Variants in EPG5 observed in about 807,000 individuals in gnomAD.
The protein encoded by EPG5 is ectopic P granules protein 5 homolog.
Under a neutral mutation model 302.7 loss-of-function variants are expected in EPG5, and 159 were observed. The ratio of observed to expected loss-of-function variants is 0.53; its 90% CI spans 0.46 to 0.60. EPG5 has a LOEUF of 0.60. EPG5 is among the 20% of genes least tolerant of loss of function. The probability of loss-of-function intolerance (pLI) is 0.00; values close to 1 mark genes in which losing one functional copy is unlikely to be tolerated. For missense variants in EPG5, 2,896 were observed against 3,092.4 expected (o/e 0.94, Z 1.51); for synonymous variants, 1,158 against 1,136.8 (o/e 1.02, Z -0.37).
chr18:45,913,880 C>T lies in EPG5; in HGVS notation c.3694-52G>A, dbSNP rs190915810. 1.3e-3 allele frequency: 2,068 copies of T among 1,592,412 alleles called. 43 individuals carry two copies. In the South Asian group the frequency reaches 0.015, roughly 12 times the overall value. ...GGGAAGGAGGAGCTCGCCCCACTGA[C>T]GAAATACATCCTGATATTCCACAAT... On this transcript the variant is annotated intron_variant, in intron 20 of 43. Coordinates refer to ENST00000282041, the MANE Select transcript of EPG5 (RefSeq NM_020964.3).
chr18:45,858,038 C>T lies in EPG5; in HGVS notation c.7257G>A (p.Leu2419=). The change falls in exon 42 of 44, where the codon TTG becomes TTA. Residue 2419 remains leucine (L), a synonymous_variant. Transcript: ENST00000282041. ...AGAGCTGAAGGACTTGGTGCCACCA[C>T]AAAAACAGCTTTGCCTCTTCCTCCA... is the stretch of plus-strand genomic sequence containing the variant. The part of the protein sequence containing the change: ...SSVEEEAKLF[L]WWHQVLQLSL... The T allele has an allele frequency of 1.2e-6, 2 of 1,613,726 alleles. No individual in the cohort carries two copies. Among genetic ancestry groups the T allele is most frequent in the Middle Eastern group, 1.7e-4 (1 of 5,856 alleles).
Position 45,967,181 on chromosome 18 carries a change from G to A in EPG5, c.59C>T (p.Thr20Ile). 6.2e-7 allele frequency: 1 copy of A among 1,601,940 alleles called. No individual in the cohort carries two copies. ...RAKAKASRTKTKEKKKYETPQ... is the reference protein window; with the variant it reads ...RAKAKASRTKIKEKKKYETPQ... ...GAGGGTGGGGGAGATCCTCACCTTT[G>A]TTTTAGTCCGGCTGGCCTTGGCCTT... Residue 20 changes from threonine (T) to isoleucine (I), a missense_variant, in exon 1 of 44, where the codon ACA becomes ATA. Thr to Ile is a moderately conservative substitution (Grantham distance 89). Transcript: ENST00000282041.
Position 45,916,017 on chromosome 18 carries a change from G to T in EPG5, c.3574C>A (p.Gln1192Lys). The change falls in exon 19 of 44, where the codon CAA (glutamine) becomes AAA (lysine). Residue 1192 changes from glutamine to lysine, a missense_variant. Transcript: ENST00000282041. Reference protein sequence around the residue: ...EDCIQKLLYQQHKNALGYHCD... With the variant: ...EDCIQKLLYQKHKNALGYHCD... ...TCTAACAGGTTAATTACCTTATGTT[G>T]TTGGTAGAGTAATTTCTGTATGCAG... is the stretch of plus-strand genomic sequence containing the variant. 6.2e-7 allele frequency: 1 copy of T among 1,611,234 alleles called. No homozygotes were observed. The highest frequency in any genetic ancestry group is 8.5e-7 in the Non-Finnish European group (1 of 1,179,170).
At chr18:45,898,686 T>C (rs1160583674) in intron 27 of EPG5, among the ~76,000 whole-genome samples, 1 of 152,184 alleles carries the variant, frequency 6.6e-6, no homozygotes, top group Non-Finnish European at 1.5e-5. Context: ...GAGTTCCCAA[T>C]GATGGTGCAC....
chr18:45,960,951 T>C (rs1486172713), intron 1 of EPG5, among the ~76,000 whole-genome samples: 1 of 152,208 alleles, frequency 6.6e-6, no homozygotes, highest in Non-Finnish European at 1.5e-5. Flanking sequence ...ACATGTTTAT[T>C]TCAAAATTAA....
rs759148474 is a variant in EPG5, at chr18:45,899,494, A to T, written c.4719T>A (p.Tyr1573Ter). The T allele has an allele frequency of 6.2e-7, 1 of 1,614,222 alleles. No individual in the cohort carries two copies. Among genetic ancestry groups the T allele is most frequent in the South Asian group, 1.1e-5 (1 of 91,082 alleles). ...GTGTGGTCTGTTCTTCACGATTCAC[A>T]TACTGCTTTGGCATTGTGTCTAACA... ...GELLDTMPKQ[Y>*]VNREEQTTLH... The change falls in exon 27 of 44, where the codon TAT (tyrosine) becomes TAA (stop). Residue 1573 changes from tyrosine to a stop codon, truncating the protein, a stop_gained. Transcript: ENST00000282041. LOFTEE classifies it high-confidence loss of function.
intron 39 of EPG5, among the ~76,000 whole-genome samples, chr18:45,864,715 G>A (rs2048709794): frequency 6.6e-6 from 1 of 152,192 alleles, no homozygotes; most frequent in Admixed American, 6.5e-5. Context: ...CGCCAACCCA[G>A]AACTACTCTA....
chr18:45,818,909 T>C, the EPG5 span, among the ~76,000 whole-genome samples: 1 of 151,952 alleles, frequency 6.6e-6, no homozygotes, highest in Non-Finnish European at 1.5e-5. Flanking sequence ...AATTTTCATA[T>C]TTTTAGTAGG....
chr18:45,857,709 T>C lies in EPG5; in HGVS notation c.7442+144A>G, dbSNP rs992055686. The stretch of plus-strand genomic sequence containing the variant: ...AAAGATGTAATCAGGCTCTGTTTTT[T>C]TTTTCTTTTTTTTTTTCCATTAATC... On this transcript the variant is annotated intron_variant, in intron 42 of 43. Coordinates refer to ENST00000282041, the MANE Select transcript of EPG5 (RefSeq NM_020964.3). 9.5e-6 allele frequency: 6 copies of C among 631,714 alleles called. No homozygotes were observed. The Admixed American group carries it at 1.4e-4, about 15-fold the overall frequency. The allele number at this position is 631,714 out of a possible 1,614,324, so 39.1% of individuals were successfully genotyped here.
intron 10 of EPG5, among the ~76,000 whole-genome samples, chr18:45,938,323 A>T (rs1056304842): frequency 6.6e-6 from 1 of 152,072 alleles, no homozygotes; most frequent in Non-Finnish European, 1.5e-5. Flanking sequence ...TTAGCCGGGC[A>T]TGATGGCAAG....
chr18:45,823,948 C>A, the EPG5 span, among the ~76,000 whole-genome samples: 1 of 152,198 alleles, frequency 6.6e-6, no homozygotes, highest in Admixed American at 6.5e-5. Context: ...AACCTTATAT[C>A]TGGGGGAGGA....
At chr18:45,956,802 G>T (rs1384286854) in intron 1 of EPG5, among the ~76,000 whole-genome samples, 1 of 151,948 alleles carries the variant, frequency 6.6e-6, no homozygotes, top group Non-Finnish European at 1.5e-5. Context: ...GACACAAGAG[G>T]ATGAAGGGTG....
the EPG5 span, among the ~76,000 whole-genome samples, chr18:45,824,954 A>G: frequency 0.083 from 12,554 of 151,910 alleles, 1,218 homozygotes; most frequent in African/African-American, 0.24. Flanking sequence ...CCCAAGTGCC[A>G]AGGGAAGGGG....
In EPG5 at chr18:45,889,790, A is replaced by G. The variant is rs759867662; in HGVS notation, c.4952+8T>C. On this transcript the variant is annotated splice_region_variant and intron_variant, in intron 28 of 43. Coordinates refer to ENST00000282041, the MANE Select transcript of EPG5 (RefSeq NM_020964.3). Reference sequence around the variant, plus strand: ...AGTATTTCAAATTATAATGCCTGCAAAACTTACGTGATCAAGTTTTCTGCA... The same window carrying G: ...AGTATTTCAAATTATAATGCCTGCAGAACTTACGTGATCAAGTTTTCTGCA... The G allele has an allele frequency of 6.3e-7, 1 of 1,598,956 alleles. No individual in the cohort carries two copies. The highest frequency in any genetic ancestry group is 8.5e-7 in the Non-Finnish European group (1 of 1,172,400).
At chr18:45,956,616 T>G (rs929592426) in intron 1 of EPG5, among the ~76,000 whole-genome samples, 13 of 152,112 alleles carry the variant, frequency 8.5e-5, no homozygotes, top group African/African-American at 2.9e-4. Flanking sequence ...GACTAATTTT[T>G]TGTATTTTTA....
At chr18:45,959,713 C>T (rs1399461886) in intron 1 of EPG5, among the ~76,000 whole-genome samples, 1 of 151,948 alleles carries the variant, frequency 6.6e-6, no homozygotes, top group Admixed American at 6.6e-5. Flanking sequence ...GGTGCAGTGG[C>T]TCATGCCTGT....
At chr18:45,931,678 T>A (rs960159445) in intron 11 of EPG5, among the ~76,000 whole-genome samples, 1 of 151,886 alleles carries the variant, frequency 6.6e-6, no homozygotes, top group Non-Finnish European at 1.5e-5. Flanking sequence ...CTACTAAAAA[T>A]ACAAAAATTA....
At chr18:45,885,676 G>A (rs567276130) in intron 29 of EPG5, among the ~76,000 whole-genome samples, 106 of 151,772 alleles carry the variant, frequency 7.0e-4, no homozygotes, top group South Asian at 8.4e-4. Context: ...GACCACAGGC[G>A]GAAATAATAA....
intron 10 of EPG5, among the ~76,000 whole-genome samples, chr18:45,938,006 C>T (rs1487929299): frequency 3.9e-5 from 6 of 152,112 alleles, no homozygotes; most frequent in Non-Finnish European, 7.4e-5. Context: ...ACTAAGCAAG[C>T]ACAAGAACAA....
Sources: gnomAD v4.1 joint callset for allele counts (sites outside exome capture counted in the v4.1 genomes callset) on GRCh38, gnomAD v4.1.1 for gene constraint, MANE v1.5 for transcripts, NCBI Gene and HGNC (gene_info 2026-07-23, HGNC 2026-07-21) for gene names.